The following BBS9 variants were observed in gnomAD, a reference collection of about 807,000 sequenced individuals.
BBS9 encodes protein PTHB1.
In BBS9, 89 loss-of-function variants were observed where a neutral mutation model predicts 117.7. That is an observed-to-expected ratio of 0.76 (90% CI 0.64 to 0.90). The LOEUF (loss-of-function observed/expected upper bound fraction) is 0.90, where lower values mean the gene tolerates loss of function less well. BBS9 is among the 40% of genes least tolerant of loss of function. The pLI is 0.00. For synonymous variants in BBS9, 379 were observed against 370.9 expected (o/e 1.02, Z -0.25); for missense variants, 982 against 1,042.2 (o/e 0.94, Z 0.80).
intron 9 of BBS9, among the ~76,000 whole-genome samples, chr7:33,304,425 C>T (rs1197656195): frequency 6.0e-5 from 9 of 151,176 alleles, no homozygotes; most frequent in South Asian, 2.1e-4. Flanking sequence ...CCAGCCGCCA[C>T]CCCGCCTAGG....
intron 17 of BBS9, among the ~76,000 whole-genome samples, chr7:33,376,293 G>C (rs577955935): frequency 1.3e-5 from 2 of 151,128 alleles, no homozygotes; most frequent in Non-Finnish European, 3.0e-5. Context: ...ATTTTTTTTT[G>C]TTGTTGTTAT....
intron 1 of BBS9, among the ~76,000 whole-genome samples, chr7:33,141,149 A>G (rs1299417967): frequency 2.0e-5 from 3 of 152,092 alleles, no homozygotes; most frequent in African/African-American, 7.2e-5. Context: ...GCAGGCTGGC[A>G]TGGTGGTTCA....
chr7:33,220,690 G>C (rs1302445042), intron 5 of BBS9, among the ~76,000 whole-genome samples: 2 of 152,054 alleles, frequency 1.3e-5, no homozygotes, highest in Non-Finnish European at 2.9e-5. Flanking sequence ...TATATTATTT[G>C]CCTATTGTAC....
downstream of BBS9, among the ~76,000 whole-genome samples, chr7:33,609,328 C>T (rs184627691): frequency 3.0e-4 from 45 of 152,124 alleles, no homozygotes; most frequent in Non-Finnish European, 5.4e-4. Flanking sequence ...AAATATTTTT[C>T]GAATATGTTC....
chr7:33,307,228 A>G (rs1178324559), intron 9 of BBS9, among the ~76,000 whole-genome samples: 1 of 152,156 alleles, frequency 6.6e-6, no homozygotes, highest in Non-Finnish European at 1.5e-5. Context: ...TGGATATTAA[A>G]TGTTGGCAAC....
intron 21 of BBS9, among the ~76,000 whole-genome samples, chr7:33,539,338 C>T (rs1733963981): frequency 6.6e-6 from 1 of 152,130 alleles, no homozygotes; most frequent in African/African-American, 2.4e-5. Context: ...GATGAGCCCT[C>T]CCATGTTATG....
chr7:33,207,549 T>G (rs75483995), intron 5 of BBS9, among the ~76,000 whole-genome samples: 1 of 151,986 alleles, frequency 6.6e-6, no homozygotes, highest in South Asian at 2.1e-4. Context: ...TTTTTTTTTT[T>G]TGTTAGCATT....
At chr7:33,457,582 A>C (rs1232518937) in intron 19 of BBS9, among the ~76,000 whole-genome samples, 1 of 152,158 alleles carries the variant, frequency 6.6e-6, no homozygotes, top group East Asian at 1.9e-4. Flanking sequence ...TTGTTGATGG[A>C]ATAAGATATA....
intron 5 of BBS9, among the ~76,000 whole-genome samples, chr7:33,180,077 C>T (rs555284348): frequency 3.9e-5 from 6 of 152,104 alleles, no homozygotes; most frequent in East Asian, 1.9e-4. Flanking sequence ...CCTGGTCACC[C>T]GCTCTGACCT....
chr7:33,415,629 A>G (rs1449712667), intron 19 of BBS9, among the ~76,000 whole-genome samples: 1 of 152,150 alleles, frequency 6.6e-6, no homozygotes, highest in East Asian at 1.9e-4. Context: ...CCAGTTTAGA[A>G]GGGGCTTTGA....
intron 21 of BBS9, among the ~76,000 whole-genome samples, chr7:33,534,981 T>C (rs1244035300): frequency 2.0e-5 from 3 of 152,210 alleles, no homozygotes; most frequent in Admixed American, 1.3e-4. Context: ...TTACATGCCT[T>C]TTCTTTACTT....
At chr7:33,479,005 G>A (rs1197388676) in intron 19 of BBS9, among the ~76,000 whole-genome samples, 2 of 151,512 alleles carry the variant, frequency 1.3e-5, no homozygotes, top group South Asian at 2.1e-4. Context: ...ATAAAAATTA[G>A]CAAGCAAGCT....
chr7:33,450,869 T>G (rs866080290), intron 19 of BBS9, among the ~76,000 whole-genome samples: 1 of 150,926 alleles, frequency 6.6e-6, no homozygotes, highest in African/African-American at 2.4e-5. Context: ...CAGAAGTTTT[T>G]TTTTTTTGTT....
At chr7:33,253,035 C>T (rs1370249068) in intron 5 of BBS9, among the ~76,000 whole-genome samples, 3 of 152,130 alleles carry the variant, frequency 2.0e-5, no homozygotes, top group African/African-American at 7.2e-5. Flanking sequence ...GCACACATCT[C>T]CCAATGAGAA....
At chr7:33,430,917 G>A (rs1199879478) in intron 19 of BBS9, among the ~76,000 whole-genome samples, 1 of 152,108 alleles carries the variant, frequency 6.6e-6, no homozygotes, top group Non-Finnish European at 1.5e-5. Flanking sequence ...GGCCTGGCAT[G>A]GTGGCTCACG....
chr7:33,257,302 C>A lies in BBS9; in HGVS notation c.509C>A (p.Ala170Asp), dbSNP rs751423443. Residue 170 changes from alanine (A) to aspartate (D), a missense_variant, in exon 6 of 23, where the codon GCT (alanine) becomes GAT (aspartate). Physicochemically the swap from Ala to Asp is moderately radical, Grantham distance 126. Transcript: ENST00000242067. ...MLMVFEQESY[A>D]FGRFLPGFLL... The stretch of plus-strand genomic sequence containing the variant: ...ATGGTATTTGAGCAGGAGAGCTATG[C>A]TTTTGGAAGATTTCTCCCTGGCTTT... 6.8e-6 allele frequency: 11 copies of A among 1,613,682 alleles called. No homozygotes were observed. Among genetic ancestry groups the A allele is most frequent in the Non-Finnish European group, 9.3e-6 (11 of 1,179,792 alleles).
At chr7:33,556,324 C>T (rs946373576) in intron 21 of BBS9, among the ~76,000 whole-genome samples, 5 of 152,178 alleles carry the variant, frequency 3.3e-5, no homozygotes, top group Admixed American at 2.0e-4. Flanking sequence ...TATTTAACCA[C>T]GCCTCAAGTC....
intron 4 of BBS9, among the ~76,000 whole-genome samples, chr7:33,167,434 G>T: frequency 6.9e-6 from 1 of 145,328 alleles, no homozygotes; most frequent in African/African-American, 2.6e-5. Flanking sequence ...ATGGAGTCTA[G>T]CTCTGTTGCC....
intron 21 of BBS9, among the ~76,000 whole-genome samples, chr7:33,596,679 A>G (rs1862868132): frequency 6.6e-6 from 1 of 152,178 alleles, no homozygotes. Flanking sequence ...CTTACTGCTA[A>G]TATATTTTGT....
Sources: gnomAD v4.1 joint callset for allele counts (sites outside exome capture counted in the v4.1 genomes callset) on GRCh38, gnomAD v4.1.1 for gene constraint, MANE v1.5 for transcripts, NCBI Gene and HGNC (gene_info 2026-07-23, HGNC 2026-07-21) for gene names.